The following EXOSC7 variants were observed in gnomAD, a reference collection of about 807,000 sequenced individuals.
EXOSC7 encodes the protein exosome complex component RRP42.
In EXOSC7, 25 loss-of-function variants were observed where a neutral mutation model predicts 34.3. The ratio of observed to expected loss-of-function variants is 0.73; its 90% CI spans 0.53 to 1.02. EXOSC7 has a LOEUF of 1.02. Ranked by LOEUF, EXOSC7 falls within the 50% of genes least tolerant of loss-of-function variation. The pLI, the probability that EXOSC7 is intolerant of heterozygous loss-of-function variation, is 0.00. For synonymous variants in EXOSC7, 130 were observed against 143.0 expected (o/e 0.91, Z 0.65); for missense variants, 370 against 368.5 (o/e 1.00, Z -0.03).
chr3:44,986,143 G>A (rs1210989635), intron 1 of EXOSC7, among the ~76,000 whole-genome samples: 7 of 151,678 alleles, frequency 4.6e-5, no homozygotes, highest in Admixed American at 4.6e-4. Flanking sequence ...GGTGGTCGAT[G>A]GGACTGGGCG....
chr3:45,008,028 G>C (rs917138879), intron 7 of EXOSC7, among the ~76,000 whole-genome samples: 3 of 152,188 alleles, frequency 2.0e-5, no homozygotes, highest in African/African-American at 7.2e-5. Flanking sequence ...CTCTAGAAGT[G>C]TTTAAATGGA....
intron 1 of EXOSC7, among the ~76,000 whole-genome samples, chr3:44,978,186 T>C (rs1439906697): frequency 6.6e-6 from 1 of 152,208 alleles, no homozygotes; most frequent in African/African-American, 2.4e-5. Flanking sequence ...GGGCCGGGCA[T>C]TGTGGCTCAC....
chr3:45,004,227 A>G lies in EXOSC7; in HGVS notation c.492-1064A>G, dbSNP rs151054935. 668 of 151,326 alleles carry G rather than the reference A, an allele frequency of 4.4e-3. 3 individuals carry two copies. Among genetic ancestry groups the G allele is most frequent in the Middle Eastern group, 0.017 (5 of 286 alleles). 9.4% of individuals were successfully genotyped at this position (151,326 alleles called of 1,614,324 possible). On this transcript the variant is annotated intron_variant, in intron 5 of 7. Transcript: ENST00000265564. Reference sequence around the variant, plus strand: ...CACTTCCACCAGCAGTGTATGTAAGAGTTCCGGGTTGTTTCACATTTTTGT... The same window carrying G: ...CACTTCCACCAGCAGTGTATGTAAGGGTTCCGGGTTGTTTCACATTTTTGT...
intron 1 of EXOSC7, among the ~76,000 whole-genome samples, chr3:44,982,077 G>A (rs543585681): frequency 2.4e-4 from 36 of 152,212 alleles, no homozygotes; most frequent in Admixed American, 7.8e-4. Context: ...GCCACTTGCT[G>A]TCCAGCTTCC....
At chr3:44,989,526 G>T in intron 2 of EXOSC7, 24 bp from the exon 3 acceptor site, 2 of 1,579,072 alleles carry the variant, frequency 1.3e-6, no homozygotes, top group Non-Finnish European at 1.7e-6. Flanking sequence ...TCTGAGTGAG[G>T]ACTCTTCTTG....
chr3:45,009,170 G>A (rs541255428), intron 7 of EXOSC7, among the ~76,000 whole-genome samples: 1 of 152,320 alleles, frequency 6.6e-6, no homozygotes, highest in Non-Finnish European at 1.5e-5. Flanking sequence ...GGCAGAACCA[G>A]AGCTCTGTTC....
chr3:44,994,273 C>T (rs1706656316), intron 3 of EXOSC7, among the ~76,000 whole-genome samples: 1 of 150,718 alleles, frequency 6.6e-6, no homozygotes, highest in South Asian at 2.1e-4. Context: ...GATAAGGTCT[C>T]CCTTCTTGTA....
intron 1 of EXOSC7, among the ~76,000 whole-genome samples, chr3:44,984,653 G>A (rs1476512956): frequency 6.6e-6 from 1 of 152,158 alleles, no homozygotes; most frequent in African/African-American, 2.4e-5. Flanking sequence ...CTTACTGGCT[G>A]TCTGAACTTG....
chr3:44,997,674 A>G (rs373651298), intron 4 of EXOSC7, among the ~76,000 whole-genome samples: 28 of 152,352 alleles, frequency 1.8e-4, no homozygotes, highest in African/African-American at 6.7e-4. Context: ...ACACTGTTAT[A>G]TTTCCCATTT....
At chr3:44,981,928 G>A (rs1016940131) in intron 1 of EXOSC7, among the ~76,000 whole-genome samples, 7 of 152,174 alleles carry the variant, frequency 4.6e-5, no homozygotes, top group African/African-American at 2.4e-5. Context: ...TCTGTGGCAA[G>A]AGCTGGAAAG....
At chr3:44,980,732 C>G (rs1706249456) in intron 1 of EXOSC7, among the ~76,000 whole-genome samples, 1 of 152,202 alleles carries the variant, frequency 6.6e-6, no homozygotes, top group African/African-American at 2.4e-5. Context: ...TTCTAATTGA[C>G]ACCTCCCACT....
intron 1 of EXOSC7, among the ~76,000 whole-genome samples, chr3:44,978,200 T>G (rs189347860): frequency 6.6e-6 from 1 of 152,378 alleles, no homozygotes; most frequent in East Asian, 1.9e-4. Flanking sequence ...GGCTCACGCC[T>G]GTAATCCCAG....
In EXOSC7 at chr3:44,976,314, T is replaced by A. The variant is rs757102199; in HGVS notation, c.37T>A (p.Tyr13Asn). The A allele has an allele frequency of 6.4e-7, 1 of 1,569,860 alleles. No individual in the cohort carries two copies. The highest frequency in any genetic ancestry group is 8.6e-7 in the Non-Finnish European group (1 of 1,164,004). ...GACGCTGAGCGAGGCGGAGAAGGTGTACATCGTGCATGGCGTCCAGGTAGC... is the reference window on the plus strand; with the variant it reads ...GACGCTGAGCGAGGCGGAGAAGGTGAACATCGTGCATGGCGTCCAGGTAGC... ...SVTLSEAEKV[Y>N]IVHGVQEDLR... The change falls in exon 1 of 8, where the codon TAC (tyrosine) becomes AAC (asparagine). Residue 13 changes from tyrosine (Y) to asparagine (N), a missense_variant. This residue lies in a region of EXOSC7 where 95 missense variants were observed against 79.8 expected (regional missense o/e 1.19). Coordinates refer to ENST00000265564, the MANE Select transcript of EXOSC7 (RefSeq NM_015004.4).
chr3:45,003,679 A>G (rs1241122363), intron 5 of EXOSC7, among the ~76,000 whole-genome samples: 1 of 152,154 alleles, frequency 6.6e-6, no homozygotes, highest in Non-Finnish European at 1.5e-5. Flanking sequence ...TTTATAGGTT[A>G]AATGTGTTTT....
intron 3 of EXOSC7, among the ~76,000 whole-genome samples, chr3:44,993,085 AG>A (rs1706615522): frequency 6.6e-6 from 1 of 151,952 alleles, no homozygotes; most frequent in Non-Finnish European, 1.5e-5. Flanking sequence ...TTCCTGGCTG[AG>A]GGGCTGGGGG....
intron 1 of EXOSC7, among the ~76,000 whole-genome samples, chr3:44,985,251 A>G (rs1485200559): frequency 6.6e-6 from 1 of 152,216 alleles, no homozygotes; most frequent in East Asian, 1.9e-4. Flanking sequence ...GTTCTATCCT[A>G]AAGGCTTACT....
downstream of EXOSC7, chr3:45,012,444 G>C (rs1014268715): frequency 1.6e-4 from 25 of 152,260 alleles, no homozygotes; most frequent in African/African-American, 5.5e-4. Flanking sequence ...TGGGCTTAAT[G>C]GGGGAGCTTC....
intron 3 of EXOSC7, among the ~76,000 whole-genome samples, chr3:44,991,838 A>G (rs1706581906): frequency 6.6e-6 from 1 of 152,140 alleles, no homozygotes; most frequent in Non-Finnish European, 1.5e-5. Context: ...GAGCTCCAGT[A>G]TCTAGGTAGT....
chr3:44,983,583 G>A (rs189181712), intron 1 of EXOSC7, among the ~76,000 whole-genome samples: 3 of 152,308 alleles, frequency 2.0e-5, no homozygotes, highest in Non-Finnish European at 1.5e-5. Context: ...AGCTGTGAAA[G>A]TCACCAAGAG....
Sources: gnomAD v4.1 joint callset for allele counts (sites outside exome capture counted in the v4.1 genomes callset) on GRCh38, gnomAD v4.1.1 for gene constraint, gnomAD v4.1.1 regional missense constraint, MANE v1.5 for transcripts, NCBI Gene and HGNC (gene_info 2026-07-23, HGNC 2026-07-21) for gene names.